Variants in NAA11 observed in about 807,000 individuals in gnomAD.
The protein encoded by NAA11 is N-alpha-acetyltransferase 11.
NAA11 carries 15 observed loss-of-function variants against 16.1 expected under a neutral mutation model. The ratio of observed to expected loss-of-function variants is 0.93; its 90% CI spans 0.62 to 1.44. The LOEUF (loss-of-function observed/expected upper bound fraction) is 1.44, where lower values mean the gene tolerates loss of function less well. Among genes scored for constraint, NAA11 ranks in the 40% most tolerant of loss-of-function variants. The pLI is 0.00. For missense variants in NAA11, 298 were observed against 291.3 expected (o/e 1.02, Z -0.17); for synonymous variants, 122 against 112.4 (o/e 1.09, Z -0.54).
chr4:79,274,471 T>C (rs747100956), intron 2 of NAA11, among the ~76,000 whole-genome samples: 1 of 152,094 alleles, frequency 6.6e-6, no homozygotes, highest in African/African-American at 2.4e-5. Context: ...GTATAAAAAG[T>C]TACTTGTTCT....
the NAA11 span, among the ~76,000 whole-genome samples, chr4:79,169,424 C>G: frequency 2.6e-5 from 4 of 152,104 alleles, no homozygotes; most frequent in Admixed American, 2.0e-4. Context: ...ATCAATGGAA[C>G]AGAATAGAGG....
intron 2 of NAA11, among the ~76,000 whole-genome samples, chr4:79,230,191 G>A (rs1214005030): frequency 1.5e-4 from 23 of 151,172 alleles, no homozygotes; most frequent in Admixed American, 1.1e-3. Context: ...ACCAAACACC[G>A]CATATTCTCA....
At chr4:79,311,066 G>T (rs2110010615) in intron 1 of NAA11, among the ~76,000 whole-genome samples, 1 of 152,220 alleles carries the variant, frequency 6.6e-6, no homozygotes, top group East Asian at 1.9e-4. Flanking sequence ...ATAAAGCTTT[G>T]AATTCTCAGG....
At chr4:79,222,388 T>C (rs1181462634), downstream of NAA11, among the ~76,000 whole-genome samples, 1 of 151,710 alleles carries the variant, frequency 6.6e-6, no homozygotes, top group Non-Finnish European at 1.5e-5. Context: ...AAACAAGCAA[T>C]GGGGAAAGGA....
chr4:79,265,920 C>T (rs541724779), intron 2 of NAA11, among the ~76,000 whole-genome samples: 1 of 152,156 alleles, frequency 6.6e-6, no homozygotes, highest in East Asian at 1.9e-4. Flanking sequence ...ACATGTGTTT[C>T]TCTATTGTTT....
chr4:79,242,247 G>A (rs893197030), intron 2 of NAA11, among the ~76,000 whole-genome samples: 19 of 133,812 alleles, frequency 1.4e-4, no homozygotes, highest in Non-Finnish European at 2.8e-4. Context: ...GCACCTTGGA[G>A]GGGGATATCC....
At chr4:79,245,731 C>T (rs13145326) in intron 2 of NAA11, among the ~76,000 whole-genome samples, 107,339 of 150,750 alleles carry the variant, frequency 0.71, 40,335 homozygotes, top group East Asian at 0.89. Flanking sequence ...AGGTTGGGGG[C>T]GCCCCCGCCC....
intron 2 of NAA11, among the ~76,000 whole-genome samples, chr4:79,266,863 A>C (rs1242863922): frequency 5.3e-5 from 8 of 152,170 alleles, no homozygotes; most frequent in Admixed American, 4.6e-4. Flanking sequence ...ATTGAATGTA[A>C]TTAGGGCTTC....
intron 2 of NAA11, among the ~76,000 whole-genome samples, chr4:79,269,559 T>C (rs906356584): frequency 1.3e-5 from 2 of 150,554 alleles, no homozygotes; most frequent in Admixed American, 6.6e-5. Flanking sequence ...GTTTGTTTTT[T>C]TCTTGTAAAT....
intron 1 of NAA11, among the ~76,000 whole-genome samples, chr4:79,319,569 TCTGC>T (rs1201242328): frequency 3.3e-5 from 5 of 152,182 alleles, no homozygotes; most frequent in African/African-American, 1.2e-4. Flanking sequence ...AGGAAAAACC[TCTGC>T]TTTTATCAGT....
At chr4:79,308,488 G>A (rs1723659641) in intron 1 of NAA11, 1 of 152,022 alleles carries the variant, frequency 6.6e-6, no homozygotes, top group African/African-American at 2.4e-5. Context: ...ATTAAAGCCT[G>A]GCTATCCTGG....
At chr4:79,166,513 G>A in the NAA11 span, among the ~76,000 whole-genome samples, 2 of 149,534 alleles carry the variant, frequency 1.3e-5, no homozygotes, top group Non-Finnish European at 3.0e-5. Context: ...TACCATACCT[G>A]CCTATTACTT....
intron 2 of NAA11, among the ~76,000 whole-genome samples, chr4:79,226,550 G>A (rs905816825): frequency 6.6e-6 from 1 of 151,076 alleles, no homozygotes; most frequent in African/African-American, 2.4e-5. Context: ...TTTACATTAG[G>A]TATATCTCCT....
chr4:79,164,247 A>T, the NAA11 span, among the ~76,000 whole-genome samples: 1 of 152,206 alleles, frequency 6.6e-6, no homozygotes, highest in African/African-American at 2.4e-5. Flanking sequence ...ACAGGAATTT[A>T]ACTGGGGGAG....
chr4:79,178,653 A>C, the NAA11 span, among the ~76,000 whole-genome samples: 20 of 152,296 alleles, frequency 1.3e-4, no homozygotes, highest in Non-Finnish European at 1.6e-4. Context: ...CCCAGTGGAG[A>C]AGATACATAG....
intron 2 of NAA11, among the ~76,000 whole-genome samples, chr4:79,281,733 T>C (rs920117408): frequency 2.6e-5 from 4 of 152,112 alleles, no homozygotes; most frequent in Non-Finnish European, 5.9e-5. Context: ...ATCCCTATTA[T>C]CTGCCACAGA....
At chr4:79,168,520 T>G in the NAA11 span, among the ~76,000 whole-genome samples, 7 of 152,346 alleles carry the variant, frequency 4.6e-5, no homozygotes, top group South Asian at 1.2e-3. Context: ...CTACACATCC[T>G]CTCCAGCATC....
At chr4:79,155,438 G>A in the NAA11 span, among the ~76,000 whole-genome samples, 2 of 152,192 alleles carry the variant, frequency 1.3e-5, no homozygotes, top group Admixed American at 6.5e-5. Context: ...GTGATTTTAT[G>A]TGTGAAGCTT....
At chr4:79,319,688 T>C (rs922250015) in intron 1 of NAA11, among the ~76,000 whole-genome samples, 1 of 152,226 alleles carries the variant, frequency 6.6e-6, no homozygotes, top group Non-Finnish European at 1.5e-5. Context: ...ATGGCATCTA[T>C]CTGATTAGTA....
Sources: gnomAD v4.1 joint callset for allele counts (sites outside exome capture counted in the v4.1 genomes callset) on GRCh38, gnomAD v4.1.1 for gene constraint, MANE v1.5 for transcripts, NCBI Gene and HGNC (gene_info 2026-07-23, HGNC 2026-07-21) for gene names.